The following KCND3 variants were observed in gnomAD, a reference collection of about 807,000 sequenced individuals.
KCND3 encodes potassium voltage-gated channel subfamily D member 3.
In KCND3, 9 loss-of-function variants were observed where a neutral mutation model predicts 51.1. The ratio of observed to expected loss-of-function variants is 0.18; its 90% CI spans 0.11 to 0.31. The LOEUF is 0.31. Among genes scored for constraint, KCND3 ranks in the 10% least tolerant of loss-of-function variants. KCND3 has a pLI of 1.00. For synonymous variants in KCND3, 349 were observed against 368.0 expected (o/e 0.95, Z 0.59); for missense variants, 526 against 903.8 (o/e 0.58, Z 5.36).
At chr1:111,850,865 G>T (rs1667783986) in intron 2 of KCND3, among the ~76,000 whole-genome samples, 1 of 152,208 alleles carries the variant, frequency 6.6e-6, no homozygotes, top group African/African-American at 2.4e-5. Flanking sequence ...TGCGAAGATG[G>T]AACTGAGCAT....
intron 2 of KCND3, among the ~76,000 whole-genome samples, chr1:111,872,613 G>T (rs1209702442): frequency 6.6e-6 from 1 of 151,976 alleles, no homozygotes; most frequent in Non-Finnish European, 1.5e-5. Flanking sequence ...TTTTTTTATG[G>T]AAGGAGAGCA....
intron 2 of KCND3, among the ~76,000 whole-genome samples, chr1:111,957,771 G>A (rs901281782): frequency 1.3e-5 from 2 of 152,100 alleles, no homozygotes; most frequent in Admixed American, 6.5e-5. Context: ...AATAAAATTG[G>A]AACACAGCCA....
intron 2 of KCND3, among the ~76,000 whole-genome samples, chr1:111,850,628 C>A (rs1253869775): frequency 6.6e-6 from 1 of 152,200 alleles, no homozygotes; most frequent in Non-Finnish European, 1.5e-5. Flanking sequence ...GTGAAGATAG[C>A]CCGCAGGGGA....
chr1:111,958,169 A>G (rs1430346766), intron 2 of KCND3, among the ~76,000 whole-genome samples: 1 of 152,196 alleles, frequency 6.6e-6, no homozygotes, highest in African/African-American at 2.4e-5. Flanking sequence ...CATGGGGTGG[A>G]GTAGGACAGA....
chr1:111,928,061 C>T (rs1671793210), intron 2 of KCND3, among the ~76,000 whole-genome samples: 1 of 152,188 alleles, frequency 6.6e-6, no homozygotes. Context: ...CTAGTTTTCT[C>T]CATAGCGCAC....
At chr1:111,822,632 C>T (rs1169661045) in intron 2 of KCND3, among the ~76,000 whole-genome samples, 1 of 152,148 alleles carries the variant, frequency 6.6e-6, no homozygotes, top group Non-Finnish European at 1.5e-5. Context: ...GGGTTGTTCC[C>T]ACCTTTTGGC....
chr1:111,963,922 G>C (rs544691015), intron 2 of KCND3, among the ~76,000 whole-genome samples: 2 of 152,314 alleles, frequency 1.3e-5, no homozygotes, highest in Middle Eastern at 3.4e-3. Flanking sequence ...GCTTCTCTCA[G>C]AATCATCTTA....
chr1:111,814,192 G>A (rs2788611), intron 2 of KCND3, among the ~76,000 whole-genome samples: 90,081 of 152,070 alleles, frequency 0.59, 27,257 homozygotes, highest in East Asian at 0.78. Flanking sequence ...CGGGCATTGC[G>A]TCAGACACCG....
intron 2 of KCND3, among the ~76,000 whole-genome samples, chr1:111,836,874 CCCCGGTA>C (rs1475280449): frequency 1.3e-5 from 2 of 152,186 alleles, no homozygotes; most frequent in Non-Finnish European, 2.9e-5. Flanking sequence ...CAAACTCCAT[CCCCGGTA>C]CCCTTCACTT....
intron 2 of KCND3, among the ~76,000 whole-genome samples, chr1:111,978,918 A>G (rs1407062855): frequency 2.0e-5 from 3 of 152,208 alleles, no homozygotes; most frequent in African/African-American, 7.2e-5. Flanking sequence ...TCAACTGCCA[A>G]CTCAGGTCAA....
At chr1:111,901,737 A>T (rs948029702) in intron 2 of KCND3, among the ~76,000 whole-genome samples, 3 of 152,134 alleles carry the variant, frequency 2.0e-5, no homozygotes, top group Non-Finnish European at 4.4e-5. Context: ...TGGGTCCCAA[A>T]GCCCCAGCCT....
At chr1:111,935,172 T>C (rs1672160687) in intron 2 of KCND3, among the ~76,000 whole-genome samples, 1 of 152,242 alleles carries the variant, frequency 6.6e-6, no homozygotes, top group Non-Finnish European at 1.5e-5. Flanking sequence ...TATTGAAATA[T>C]CATTCATAGA....
rs371627681 is a variant in KCND3, at chr1:111,951,911, A to G, written c.1106+29710T>C. Among the ~76,000 whole-genome samples, 5 of 152,214 alleles carry G rather than the reference A, an allele frequency of 3.3e-5. No homozygotes were observed. In the East Asian group the frequency reaches 7.7e-4, roughly 23 times the overall value. ...GCAGAGGGTCTAAGAAAAATCATTT[A>G]AGAGCAGTCCCTACAGAAAGACAGC... On this transcript the variant is annotated intron_variant, in intron 2 of 7. Transcript: ENST00000302127.
intron 2 of KCND3, among the ~76,000 whole-genome samples, chr1:111,813,959 C>A (rs1351901935): frequency 6.6e-6 from 1 of 152,246 alleles, no homozygotes; most frequent in Non-Finnish European, 1.5e-5. Context: ...GGGGGCCGTG[C>A]CCCACCAACG....
At chr1:111,802,995 C>T (rs1190122846) in intron 2 of KCND3, among the ~76,000 whole-genome samples, 2 of 152,216 alleles carry the variant, frequency 1.3e-5, no homozygotes, top group Admixed American at 1.3e-4. Flanking sequence ...CACCTGACTC[C>T]CTGAGGCTGT....
intron 2 of KCND3, among the ~76,000 whole-genome samples, chr1:111,946,012 A>G (rs74109741): frequency 0.011 from 1,618 of 152,308 alleles, 35 homozygotes; most frequent in African/African-American, 0.037. Context: ...CACTACCAAC[A>G]TCACTAGGTG....
chr1:111,870,240 C>G (rs1322313276), intron 2 of KCND3, among the ~76,000 whole-genome samples: 1 of 152,210 alleles, frequency 6.6e-6, no homozygotes, highest in Non-Finnish European at 1.5e-5. Flanking sequence ...ACTGCCACAG[C>G]TCCAACTAAA....
chr1:111,889,135 G>A (rs1669708540), intron 2 of KCND3, among the ~76,000 whole-genome samples: 1 of 152,192 alleles, frequency 6.6e-6, no homozygotes, highest in Admixed American at 6.5e-5. Flanking sequence ...TCACTGTATT[G>A]TTTTCAGCAA....
At chr1:111,953,975 G>A (rs990472005) in intron 2 of KCND3, among the ~76,000 whole-genome samples, 25 of 152,202 alleles carry the variant, frequency 1.6e-4, no homozygotes, top group Non-Finnish European at 2.9e-4. Flanking sequence ...CAGGCTCCCT[G>A]CCCTCCACAG....
Sources: allele counts gnomAD v4.1 joint callset (sites outside exome capture counted in the v4.1 genomes callset), GRCh38; gene constraint gnomAD v4.1.1; transcripts MANE v1.5; gene names NCBI Gene and HGNC (gene_info 2026-07-23, HGNC 2026-07-21).